HDAC4: variants seen among roughly 807,000 people sequenced by gnomAD.
The protein encoded by HDAC4 is histone deacetylase 4.
In HDAC4, 16 loss-of-function variants were observed where a neutral mutation model predicts 135.1. That is an observed-to-expected ratio of 0.12 (90% confidence interval 0.08 to 0.18). The LOEUF is 0.18. HDAC4 is among the 10% of genes least tolerant of loss of function. The probability of loss-of-function intolerance (pLI) is 1.00; values close to 1 mark genes in which losing one functional copy is unlikely to be tolerated. For missense variants in HDAC4, 1,143 were observed against 1,511.8 expected, an observed-to-expected ratio of 0.76 and a Z score of 4.05; for synonymous variants, 685 against 653.4, an observed-to-expected ratio of 1.05 and a Z score of -0.74.
intron 2 of HDAC4, among the ~76,000 whole-genome samples, chr2:239,333,587 C>T (rs1395647546): frequency 6.6e-6 from 1 of 151,972 alleles, no homozygotes; most frequent in Non-Finnish European, 1.5e-5. Context: ...GTAAGGTTGA[C>T]TTAACATTCA....
intron 4 of HDAC4, among the ~76,000 whole-genome samples, chr2:239,187,611 G>C (rs927625351): frequency 2.0e-5 from 3 of 152,188 alleles, no homozygotes; most frequent in African/African-American, 7.2e-5. Context: ...CCATGGTCAG[G>C]GCCGTGAGGG....
At chr2:239,344,547 A>T (rs1223236246) in intron 2 of HDAC4, among the ~76,000 whole-genome samples, 1 of 152,170 alleles carries the variant, frequency 6.6e-6, no homozygotes, top group Non-Finnish European at 1.5e-5. Context: ...AAAAAAAAGT[A>T]GGTTGAAAAA....
At chr2:239,294,811 G>C (rs915891379) in intron 2 of HDAC4, among the ~76,000 whole-genome samples, 19 of 152,138 alleles carry the variant, frequency 1.2e-4, no homozygotes, top group Non-Finnish European at 2.4e-4. Flanking sequence ...TCCTCCCTCA[G>C]GGTCATGTGA....
At chr2:239,259,875 G>A (rs1010284398) in intron 2 of HDAC4, among the ~76,000 whole-genome samples, 1 of 152,204 alleles carries the variant, frequency 6.6e-6, no homozygotes, top group Non-Finnish European at 1.5e-5. Context: ...GCCTTGTGGG[G>A]CAGGAGAGGA....
intron 16 of HDAC4, among the ~76,000 whole-genome samples, chr2:239,098,618 C>T (rs929487960): frequency 6.6e-6 from 1 of 152,226 alleles, no homozygotes; most frequent in Non-Finnish European, 1.5e-5. Flanking sequence ...TTCAGCCACG[C>T]CTTATGTGTG....
At chr2:239,073,782 G>T (rs2034448651) in intron 22 of HDAC4, among the ~76,000 whole-genome samples, 1 of 152,266 alleles carries the variant, frequency 6.6e-6, no homozygotes, top group African/African-American at 2.4e-5. Context: ...GGCTGGGAGG[G>T]GAGAAATCAG....
At chr2:239,163,948 G>C (rs780845902) in intron 5 of HDAC4, 25 bp from the exon 6 acceptor site, 22 of 1,613,694 alleles carry the variant, frequency 1.4e-5, no homozygotes, top group Non-Finnish European at 1.8e-5. Flanking sequence ...AGCATAGCAG[G>C]GGGTGAAGTG....
chr2:239,064,241 T>C (rs2033180596), intron 24 of HDAC4, among the ~76,000 whole-genome samples: 1 of 152,258 alleles, frequency 6.6e-6, no homozygotes, highest in Admixed American at 6.5e-5. Context: ...AATGAGACCT[T>C]TCCTGGAAAA....
intron 7 of HDAC4, among the ~76,000 whole-genome samples, chr2:239,145,397 A>C (rs1387878962): frequency 9.4e-6 from 1 of 106,496 alleles, no homozygotes; most frequent in East Asian, 2.8e-4. Context: ...TTCTGTGAAC[A>C]GCTCTGCCTG....
At chr2:239,055,987 C>CGTTT (rs2031781530) in intron 24 of HDAC4, among the ~76,000 whole-genome samples, 1 of 152,180 alleles carries the variant, frequency 6.6e-6, no homozygotes, top group Non-Finnish European at 1.5e-5. Flanking sequence ...TGGGAAGGAG[C>CGTTT]GTTTGGGTTT....
intron 2 of HDAC4, among the ~76,000 whole-genome samples, chr2:239,265,186 G>A (rs2049647126): frequency 6.6e-6 from 1 of 152,310 alleles, no homozygotes; most frequent in East Asian, 1.9e-4. Flanking sequence ...CAAGTGACAA[G>A]CAGGGCTCCC....
intron 3 of HDAC4, among the ~76,000 whole-genome samples, chr2:239,226,971 TTTA>T (rs1304764284): frequency 6.6e-6 from 1 of 152,158 alleles, no homozygotes; most frequent in Non-Finnish European, 1.5e-5. Context: ...GTGTGGATTG[TTTA>T]GAAAGACACA....
chr2:239,298,165 C>A, intron 2 of HDAC4: 1 of 1,267,340 alleles, frequency 7.9e-7, no homozygotes, highest in Non-Finnish European at 1.0e-6. Context: ...ATTCTCCTCA[C>A]CAAACATTTG....
At chr2:239,398,921 G>A (rs186486493) in intron 1 of HDAC4, among the ~76,000 whole-genome samples, 5 of 152,336 alleles carry the variant, frequency 3.3e-5, no homozygotes, top group Admixed American at 6.5e-5. Flanking sequence ...GCTGAGTACA[G>A]CCGGCTTCTT....
rs113531179 is a variant in HDAC4, at chr2:239,298,672, T to C, written c.22+54006A>G. 1.0e-4 allele frequency: 99 copies of C among 958,980 alleles called. No individual in the cohort carries two copies. The African/African-American group carries it at 1.6e-3, about 16-fold the overall frequency. 59.4% of individuals were successfully genotyped at this position (958,980 alleles called of 1,614,324 possible). ...CGTGAGACTGTGGCTAAATCATTTA[T>C]CCAGCACCCAACAACGTGGAAATCA... On this transcript the variant is annotated intron_variant, in intron 2 of 26. Transcript: ENST00000543185.
rs1181764726 is a variant in HDAC4, at chr2:239,050,151, A to G, written c.*2946T>C. On this transcript the variant is annotated 3_prime_UTR_variant, in exon 27 of 27. Coordinates refer to ENST00000543185, the MANE Select transcript of HDAC4 (RefSeq NM_001378414.1). ...GGCTACACAGTAATGCTCTCAGCAC[A>G]TTTGTGAAGCTGGAGTGAGCTGACA... The G allele has an allele frequency of 1.3e-5, 2 of 152,566 alleles. No homozygotes were observed. The highest frequency in any genetic ancestry group is 2.9e-5 in the Non-Finnish European group (2 of 68,044). 9.5% of individuals were successfully genotyped at this position (152,566 alleles called of 1,614,324 possible).
chr2:239,143,018 T>A (rs570813658), intron 8 of HDAC4, among the ~76,000 whole-genome samples: 25 of 151,724 alleles, frequency 1.6e-4, no homozygotes, highest in African/African-American at 6.1e-4. Flanking sequence ...GACTCCTGGG[T>A]GAGCTCAGCA....
At chr2:239,253,123 T>C (rs4852036) in intron 2 of HDAC4, among the ~76,000 whole-genome samples, 46,721 of 152,190 alleles carry the variant, frequency 0.31, 8,153 homozygotes, top group African/African-American at 0.46. Flanking sequence ...TATTAGAGTC[T>C]CGGGAACAAA....
At chr2:239,102,265 ACCAGCT>A (rs1442956074) in intron 16 of HDAC4, among the ~76,000 whole-genome samples, 1 of 152,212 alleles carries the variant, frequency 6.6e-6, no homozygotes, top group Non-Finnish European at 1.5e-5. Context: ...AAAGCCTCTC[ACCAGCT>A]CCCCGGGCAG....
Sources: gnomAD v4.1 joint callset for allele counts (sites outside exome capture counted in the v4.1 genomes callset) on GRCh38, gnomAD v4.1.1 for gene constraint, MANE v1.5 for transcripts, NCBI Gene and HGNC (gene_info 2026-07-23, HGNC 2026-07-21) for gene names.